The following TMEM178B variants were observed in gnomAD, a reference collection of about 807,000 sequenced individuals.
The protein encoded by TMEM178B is transmembrane protein 178B.
TMEM178B carries 5 observed loss-of-function variants against 31.0 expected under a neutral mutation model. That is an observed-to-expected ratio of 0.16 (90% CI 0.08 to 0.34). The LOEUF (loss-of-function observed/expected upper bound fraction) is 0.34, where lower values mean the gene tolerates loss of function less well. TMEM178B is among the 10% of genes least tolerant of loss of function. TMEM178B has a pLI of 1.00. For missense variants in TMEM178B, 275 were observed against 400.3 expected, an observed-to-expected ratio of 0.69 and a Z score of 2.67; for synonymous variants, 164 against 164.0, an observed-to-expected ratio of 1.00 and a Z score of 0.00.
intron 2 of TMEM178B, among the ~76,000 whole-genome samples, chr7:141,242,477 A>AGT (rs66723569): frequency 0.039 from 5,466 of 140,440 alleles, 122 homozygotes; most frequent in Non-Finnish European, 0.053. Flanking sequence ...ACTTTGTGTG[A>AGT]GTGTGTGTGT....
At chr7:141,196,395 C>T (rs568179393) in intron 1 of TMEM178B, among the ~76,000 whole-genome samples, 1 of 152,262 alleles carries the variant, frequency 6.6e-6, no homozygotes, top group South Asian at 2.1e-4. Flanking sequence ...TACATTTCTA[C>T]TTGATTTTGT....
intron 2 of TMEM178B, among the ~76,000 whole-genome samples, chr7:141,213,465 CT>C (rs1797080579): frequency 6.6e-6 from 1 of 152,236 alleles, no homozygotes; most frequent in East Asian, 1.9e-4. Context: ...CACATTCCTA[CT>C]GTCAGCAGGT....
chr7:141,123,918 A>AT (rs753926989), intron 1 of TMEM178B, among the ~76,000 whole-genome samples: 14 of 151,780 alleles, frequency 9.2e-5, no homozygotes, highest in African/African-American at 2.9e-4. Context: ...AAGCCTGGCT[A>AT]TTTTTTTTGT....
At chr7:141,160,406 C>T (rs1372625406) in intron 1 of TMEM178B, among the ~76,000 whole-genome samples, 1 of 152,198 alleles carries the variant, frequency 6.6e-6, no homozygotes, top group Non-Finnish European at 1.5e-5. Context: ...CTGGCCTGAG[C>T]ATCTCCTCCC....
Position 141,398,065 on chromosome 7 carries a change from G to A in TMEM178B, c.497-39543G>A, listed in dbSNP as rs1039432181. Among the ~76,000 whole-genome samples the A allele has an allele frequency of 4.6e-5, 7 of 152,138 alleles. No individual in the cohort carries two copies. The East Asian group carries it at 1.3e-3, about 29-fold the overall frequency. On this transcript the variant is annotated intron_variant, in intron 2 of 3. Transcript: ENST00000565468. ...GTGTGTGGAGTGGGCAGGTAGGAGA[G>A]GTCACCAAGGCAAGTTTGGGGAGGG...
intron 2 of TMEM178B, among the ~76,000 whole-genome samples, chr7:141,276,750 A>G (rs1437633896): frequency 6.6e-6 from 1 of 152,102 alleles, no homozygotes; most frequent in Non-Finnish European, 1.5e-5. Flanking sequence ...ATACCATAGA[A>G]CATACTTAAC....
At chr7:141,377,226 C>T (rs1253486147) in intron 2 of TMEM178B, among the ~76,000 whole-genome samples, 1 of 151,316 alleles carries the variant, frequency 6.6e-6, no homozygotes, top group African/African-American at 2.4e-5. Flanking sequence ...TCTTGTCACC[C>T]AGGCTGGAGT....
chr7:141,368,889 C>T (rs1192277319), intron 2 of TMEM178B, among the ~76,000 whole-genome samples: 1 of 152,198 alleles, frequency 6.6e-6, no homozygotes, highest in Admixed American at 6.5e-5. Context: ...TGCTTTGCTC[C>T]CTTACATCTG....
In TMEM178B at chr7:141,475,306, G is replaced by C. The variant is rs1361213640; in HGVS notation, c.*4520G>C. On this transcript the variant is annotated 3_prime_UTR_variant, in exon 4 of 4. Transcript: ENST00000565468. Reference sequence around the variant, plus strand: ...TGTCTCTCAAAGCTCTCAATGTCTGGGGCTGTGTTTGCCCTCTTTTCATTG... The same window carrying C: ...TGTCTCTCAAAGCTCTCAATGTCTGCGGCTGTGTTTGCCCTCTTTTCATTG... 1 of 152,060 alleles carries C rather than the reference G, an allele frequency of 6.6e-6. No individual in the cohort carries two copies. The allele number at this position is 152,060 out of a possible 1,614,324, so 9.4% of individuals were successfully genotyped here.
At chr7:141,416,974 G>A (rs1044833248) in intron 2 of TMEM178B, among the ~76,000 whole-genome samples, 3 of 152,194 alleles carry the variant, frequency 2.0e-5, no homozygotes, top group African/African-American at 7.2e-5. Flanking sequence ...ATGCAAAATG[G>A]AAAGCGTTGG....
intron 2 of TMEM178B, among the ~76,000 whole-genome samples, chr7:141,231,616 G>T (rs1283117623): frequency 6.6e-6 from 1 of 152,194 alleles, no homozygotes; most frequent in African/African-American, 2.4e-5. Flanking sequence ...CTCCCTGGGG[G>T]CTGGAAGGGC....
chr7:141,313,659 C>G (rs915175206), intron 2 of TMEM178B, among the ~76,000 whole-genome samples: 2 of 152,156 alleles, frequency 1.3e-5, no homozygotes, highest in Non-Finnish European at 2.9e-5. Flanking sequence ...TTGCTTCCTT[C>G]TCTGTGTTTT....
At chr7:141,210,265 G>T (rs531442386) in intron 1 of TMEM178B, among the ~76,000 whole-genome samples, 4 of 152,160 alleles carry the variant, frequency 2.6e-5, no homozygotes, top group Non-Finnish European at 5.9e-5. Flanking sequence ...GGGAGTTCAA[G>T]ACCAGCCTGA....
chr7:141,097,642 A>AT (rs200273829), intron 1 of TMEM178B, among the ~76,000 whole-genome samples: 2,556 of 152,028 alleles, frequency 0.017, 73 homozygotes, highest in African/African-American at 0.058. Flanking sequence ...AATCTTTAGC[A>AT]TTTTCATCAA....
At chr7:141,455,824 C>T (rs1801952238) in intron 3 of TMEM178B, among the ~76,000 whole-genome samples, 1 of 152,226 alleles carries the variant, frequency 6.6e-6, no homozygotes, top group Non-Finnish European at 1.5e-5. Context: ...AAGGCTAGGG[C>T]CAAGCTGACA....
In TMEM178B at chr7:141,183,271, G is replaced by A. The variant is rs1056336043; in HGVS notation, c.383-29320G>A. Among the ~76,000 whole-genome samples, 7 of 152,234 alleles carry A rather than the reference G, an allele frequency of 4.6e-5. No homozygotes were observed. The East Asian group carries it at 5.8e-4, about 13-fold the overall frequency. ...GAGGGAACAGCTTGTGATCTCTGGC[G>A]GCCTTCACAGCCCACCCTGTCATTA... On this transcript the variant is annotated intron_variant, in intron 1 of 3. Transcript: ENST00000565468.
intron 2 of TMEM178B, among the ~76,000 whole-genome samples, chr7:141,278,192 T>C (rs1798297239): frequency 6.6e-6 from 1 of 152,234 alleles, no homozygotes; most frequent in South Asian, 2.1e-4. Flanking sequence ...AGCTTCAGAA[T>C]GAAGGCTTTG....
chr7:141,139,131 T>C (rs1178797985), intron 1 of TMEM178B, among the ~76,000 whole-genome samples: 1 of 152,210 alleles, frequency 6.6e-6, no homozygotes, highest in Non-Finnish European at 1.5e-5. Flanking sequence ...CTTTTAGACA[T>C]AATCTTCAAT....
chr7:141,378,150 C>T (rs1156322129), intron 2 of TMEM178B, among the ~76,000 whole-genome samples: 1 of 152,012 alleles, frequency 6.6e-6, no homozygotes, highest in Non-Finnish European at 1.5e-5. Context: ...GTAGAACGTC[C>T]CTCATTTTAA....
Sources: allele counts gnomAD v4.1 joint callset (sites outside exome capture counted in the v4.1 genomes callset), GRCh38; gene constraint gnomAD v4.1.1; transcripts MANE v1.5; gene names NCBI Gene and HGNC (gene_info 2026-07-23, HGNC 2026-07-21).